The following G2E3 variants were observed in gnomAD, a reference collection of about 807,000 sequenced individuals.
G2E3 encodes the protein G2/M phase-specific E3 ubiquitin-protein ligase.
In G2E3, 35 loss-of-function variants were observed where a neutral mutation model predicts 92.8. The observed-to-expected ratio is 0.38, with a 90% CI of 0.29 to 0.50. The LOEUF is 0.50. Among genes scored for constraint, G2E3 ranks in the 20% least tolerant of loss-of-function variants. The pLI, the probability that G2E3 is intolerant of heterozygous loss-of-function variation, is 0.94. For synonymous variants in G2E3, 242 were observed against 272.4 expected, an observed-to-expected ratio of 0.89 and a Z score of 1.10; for missense variants, 554 against 823.8, an observed-to-expected ratio of 0.67 and a Z score of 4.01.
rs184607063 is a variant in G2E3 at position 30,573,855 on chromosome 14, C to T, written c.-4-7221C>T. Reference sequence around the variant, plus strand: ...AAACACTCTCACAGACACATCCAAACATAAGTTTAACCAGATATCTGGGCG... The same window carrying T: ...AAACACTCTCACAGACACATCCAAATATAAGTTTAACCAGATATCTGGGCG... On this transcript the variant is annotated intron_variant, in intron 1 of 14. Coordinates refer to ENST00000206595, the MANE Select transcript of G2E3 (RefSeq NM_017769.5). Among the ~76,000 whole-genome samples the T allele has an allele frequency of 1.2e-4, 19 of 152,286 alleles. No homozygotes were observed. The East Asian group carries it at 3.3e-3, about 26-fold the overall frequency.
chr14:30,605,477 T>C lies in G2E3; in HGVS notation c.1011-28T>C, dbSNP rs761942450. On this transcript the variant is annotated intron_variant, in intron 10 of 14. Transcript: ENST00000206595. ...CACATAAAGTACTTTAAAGTACTTA[T>C]CTCTATATTTAAATTCATGTTTTAT... is the stretch of plus-strand genomic sequence containing the variant. The C allele has an allele frequency of 1.5e-5, 14 of 904,822 alleles. No individual in the cohort carries two copies. In the South Asian group the frequency reaches 2.1e-4, roughly 14 times the overall value. 56.0% of individuals were successfully genotyped at this position (904,822 alleles called of 1,614,324 possible).
At position 30,618,576 on chromosome 14, in the gene G2E3, A is replaced by C. The variant is rs555774934; in HGVS notation, c.*2042A>C. The C allele has an allele frequency of 1.3e-4, 20 of 152,182 alleles. No individual in the cohort carries two copies. The highest frequency in any genetic ancestry group is 4.8e-4 in the African/African-American group (20 of 41,570). The allele number at this position is 152,182 out of a possible 1,614,324, so 9.4% of individuals were successfully genotyped here. On this transcript the variant is annotated 3_prime_UTR_variant, in exon 15 of 15. Coordinates refer to ENST00000206595, the MANE Select transcript of G2E3 (RefSeq NM_017769.5). ...AGCTACAATTAAAAACAGTATTTCA[A>C]TTCCTCATTTGACTTATTTTATATA...
At chr14:30,579,349 T>C (rs961480549) in intron 1 of G2E3, among the ~76,000 whole-genome samples, 4 of 152,174 alleles carry the variant, frequency 2.6e-5, no homozygotes, top group African/African-American at 9.6e-5. Flanking sequence ...GAATATTATT[T>C]TGTAAGGAAT....
At chr14:30,602,963 T>G (rs1594503675) in intron 10 of G2E3, 1 of 151,892 alleles carries the variant, frequency 6.6e-6, no homozygotes, top group Admixed American at 6.6e-5. Context: ...ATGGCAGGAG[T>G]CTAAATGTCA....
chr14:30,602,017 A>G lies in G2E3; in HGVS notation c.896A>G (p.Lys299Arg), dbSNP rs754196200. 9.9e-6 allele frequency: 16 copies of G among 1,611,466 alleles called. No individual in the cohort carries two copies. The African/African-American group carries it at 1.7e-4, about 18-fold the overall frequency. The part of the protein sequence containing the change: ...IYNSGEFQKA[K>R]KHVLPNSNNV... Reference sequence around the variant, plus strand: ...TCTGTAGGAGAGTTCCAAAAAGCCAAAAAACATGTATTACCCAATTCTAAT... The same window carrying G: ...TCTGTAGGAGAGTTCCAAAAAGCCAGAAAACATGTATTACCCAATTCTAAT... The change falls in exon 10 of 15, where the codon AAA becomes AGA. Residue 299 changes from lysine (K) to arginine (R), a missense_variant. Lys to Arg is a conservative substitution (Grantham distance 26). This residue lies in a region of G2E3 where 397 missense variants were observed against 560.3 expected (regional missense o/e 0.71). Transcript: ENST00000206595.
At chr14:30,575,688 A>T (rs375406990) in intron 1 of G2E3, among the ~76,000 whole-genome samples, 7 of 152,354 alleles carry the variant, frequency 4.6e-5, no homozygotes, top group Admixed American at 2.0e-4. Context: ...TGCAAAATCA[A>T]CATACAAAAT....
chr14:30,584,579 G>A (rs1880603736), intron 2 of G2E3, among the ~76,000 whole-genome samples: 1 of 152,174 alleles, frequency 6.6e-6, no homozygotes, highest in South Asian at 2.1e-4. Context: ...CCTTGTGAGT[G>A]TGAAGTGGTA....
At chr14:30,595,894 A>G (rs1881255906) in intron 6 of G2E3, among the ~76,000 whole-genome samples, 1 of 152,202 alleles carries the variant, frequency 6.6e-6, no homozygotes, top group Non-Finnish European at 1.5e-5. Flanking sequence ...CTGTGTCTAC[A>G]GAATTGTCAC....
chr14:30,619,496 T>C lies in G2E3; in HGVS notation c.*2962T>C, dbSNP rs1163374615. ...GTTACTTTAAAATAAGCTATTAAAC[T>C]AGTTTTTATGGTTCAAGTAATGCAA... On this transcript the variant is annotated 3_prime_UTR_variant, in exon 15 of 15. Coordinates refer to ENST00000206595, the MANE Select transcript of G2E3 (RefSeq NM_017769.5). 1 of 152,150 alleles carries C rather than the reference T, an allele frequency of 6.6e-6. No homozygotes were observed. The highest frequency in any genetic ancestry group is 1.5e-5 in the Non-Finnish European group (1 of 67,968). The allele number at this position is 152,150 out of a possible 1,614,324, so 9.4% of individuals were successfully genotyped here.
rs1880404840 is a variant in G2E3, at chr14:30,581,060, A to G, written c.-4-16A>G. 1.5e-6 allele frequency: 2 copies of G among 1,345,444 alleles called. No individual in the cohort carries two copies. Among genetic ancestry groups the G allele is most frequent in the Non-Finnish European group, 2.1e-6 (2 of 937,226 alleles). 83.3% of individuals were successfully genotyped at this position (1,345,444 alleles called of 1,614,324 possible). A position where few individuals can be genotyped will look rare whatever the true frequency, so the allele number is the denominator to read the frequency against. Reference sequence around the variant, plus strand: ...TTTTACAATTAAGATGACTGTATTAATGTTATTTTTCCTAGTAAAATGAAT... The same window carrying G: ...TTTTACAATTAAGATGACTGTATTAGTGTTATTTTTCCTAGTAAAATGAAT... On this transcript the variant is annotated splice_polypyrimidine_tract_variant and intron_variant, in intron 1 of 14. Coordinates refer to ENST00000206595, the MANE Select transcript of G2E3 (RefSeq NM_017769.5).
At chr14:30,564,627 C>G (rs1027540498) in intron 1 of G2E3, among the ~76,000 whole-genome samples, 1 of 152,046 alleles carries the variant, frequency 6.6e-6, no homozygotes, top group Non-Finnish European at 1.5e-5. Context: ...AGCCACCATG[C>G]CCAGTCAAAA....
chr14:30,611,923 C>CT (rs1882111613), intron 12 of G2E3: 1 of 225,758 alleles, frequency 4.4e-6, no homozygotes. Flanking sequence ...AGTAGCTAGT[C>CT]TTACCTAGTG....
rs1882368642 is a variant in G2E3, at chr14:30,617,508, T to C, written c.*974T>C. The C allele has an allele frequency of 6.6e-6, 1 of 152,076 alleles. No individual in the cohort carries two copies. The highest frequency in any genetic ancestry group is 1.5e-5 in the Non-Finnish European group (1 of 67,964). The allele number at this position is 152,076 out of a possible 1,614,324, so 9.4% of individuals were successfully genotyped here. A position where few individuals can be genotyped will look rare whatever the true frequency, so the allele number is the denominator to read the frequency against. ...TCTGTGGATTGGTAGGTTTGGCCAT[T>C]TGACCATTATTTATTATCAAGTTGG... On this transcript the variant is annotated 3_prime_UTR_variant, in exon 15 of 15. Transcript: ENST00000206595.
chr14:30,610,217 A>G (rs1471390900), intron 12 of G2E3, among the ~76,000 whole-genome samples: 1 of 152,214 alleles, frequency 6.6e-6, no homozygotes, highest in East Asian at 1.9e-4. Flanking sequence ...TAGAGTAGTG[A>G]AGCAAAGTAT....
At chr14:30,568,939 A>G (rs981332090) in intron 1 of G2E3, among the ~76,000 whole-genome samples, 3 of 152,004 alleles carry the variant, frequency 2.0e-5, no homozygotes, top group African/African-American at 7.3e-5. Context: ...TCCCATTAGC[A>G]TCTCTAGTAG....
At position 30,598,206 on chromosome 14, in the gene G2E3, G is replaced by A. The variant is rs569309789; in HGVS notation, c.636-277G>A. 102 of 292,210 alleles carry A rather than the reference G, an allele frequency of 3.5e-4. No homozygotes were observed. The East Asian group carries it at 7.3e-3, about 21-fold the overall frequency. 18.1% of individuals were successfully genotyped at this position (292,210 alleles called of 1,614,324 possible). A position where few individuals can be genotyped will look rare whatever the true frequency, so the allele number is the denominator to read the frequency against. The stretch of plus-strand genomic sequence containing the variant: ...TCAAGACCAGCCTTGCCAACATGGC[G>A]AAACCCTGTCTCTACTAAAAAATAC... On this transcript the variant is annotated intron_variant, in intron 7 of 14. Transcript: ENST00000206595.
rs139017664 is a variant in G2E3 at position 30,563,813 on chromosome 14, C to T, written c.-5+4541C>T. The stretch of plus-strand genomic sequence containing the variant: ...TGACTCACTGCAACCTCCGCCTTCC[C>T]GGTTCCAGTGATTCTCCTGCCTCAA... On this transcript the variant is annotated intron_variant, in intron 1 of 14. Transcript: ENST00000206595. 1.4e-3 allele frequency among the ~76,000 whole-genome samples: 216 copies of T among 151,686 alleles called. 3 individuals carry two copies. The East Asian group carries it at 0.031, about 22-fold the overall frequency.
chr14:30,584,105 A>AT (rs1378451550), intron 2 of G2E3, among the ~76,000 whole-genome samples: 2 of 152,196 alleles, frequency 1.3e-5, no homozygotes, highest in Non-Finnish European at 2.9e-5. Context: ...AAAGTAATCC[A>AT]TAAGTAAATT....
At chr14:30,567,096 T>C (rs1879481625) in intron 1 of G2E3, among the ~76,000 whole-genome samples, 1 of 152,214 alleles carries the variant, frequency 6.6e-6, no homozygotes, top group South Asian at 2.1e-4. Context: ...TTAAGGATAT[T>C]TGCATCTATG....
Sources: gnomAD v4.1 joint callset for allele counts (sites outside exome capture counted in the v4.1 genomes callset) on GRCh38, gnomAD v4.1.1 for gene constraint, gnomAD v4.1.1 regional missense constraint, MANE v1.5 for transcripts, NCBI Gene and HGNC (gene_info 2026-07-23, HGNC 2026-07-21) for gene names.